Variants in ADD2 observed in about 807,000 individuals in gnomAD.
ADD2 encodes the protein beta-adducin.
ADD2 carries 23 observed loss-of-function variants against 83.0 expected under a neutral mutation model. The ratio of observed to expected loss-of-function variants is 0.28; its 90% confidence interval spans 0.20 to 0.39. The LOEUF (loss-of-function observed/expected upper bound fraction) is 0.39, where lower values mean the gene tolerates loss of function less well. Ranked by LOEUF, ADD2 falls within the 10% of genes least tolerant of loss-of-function variation. The probability of loss-of-function intolerance (pLI) is 1.00; values close to 1 mark genes in which losing one functional copy is unlikely to be tolerated. For missense variants in ADD2, 758 were observed against 944.9 expected, an observed-to-expected ratio of 0.80 and a Z score of 2.59; for synonymous variants, 375 against 375.4, an observed-to-expected ratio of 1.00 and a Z score of 0.01.
chr2:70,731,270 C>T (rs782404806), intron 1 of ADD2, among the ~76,000 whole-genome samples: 1 of 151,814 alleles, frequency 6.6e-6, no homozygotes, highest in Admixed American at 6.6e-5. Context: ...AGGGTCTACA[C>T]AGGACTACCC....
chr2:70,681,787 CA>C (rs1670463011), intron 10 of ADD2, among the ~76,000 whole-genome samples: 1 of 151,662 alleles, frequency 6.6e-6, no homozygotes, highest in Non-Finnish European at 1.5e-5. Flanking sequence ...GATTGAATTC[CA>C]ATATTATTCT....
At chr2:70,718,684 C>A (rs185904247) in intron 1 of ADD2, among the ~76,000 whole-genome samples, 1 of 152,298 alleles carries the variant, frequency 6.6e-6, no homozygotes, top group Admixed American at 6.5e-5. Context: ...GTGAAGGACC[C>A]AGCATCCTGG....
At chr2:70,767,559 G>T in intron 1 of ADD2, 1 of 1,054,156 alleles carries the variant, frequency 9.5e-7, no homozygotes, top group South Asian at 4.3e-5. Context: ...GCTAGGCGAG[G>T]CGAGGCTTGC....
chr2:70,731,709 G>A (rs1380345145), intron 1 of ADD2, among the ~76,000 whole-genome samples: 2 of 152,228 alleles, frequency 1.3e-5, no homozygotes, highest in East Asian at 1.9e-4. Flanking sequence ...TCTTGCTGGA[G>A]TTATAAATGG....
chr2:70,749,870 C>T (rs561673922), intron 1 of ADD2, among the ~76,000 whole-genome samples: 1 of 152,308 alleles, frequency 6.6e-6, no homozygotes, highest in Non-Finnish European at 1.5e-5. Context: ...AACCTCTGGA[C>T]TTTCTGGGGA....
intron 1 of ADD2, among the ~76,000 whole-genome samples, chr2:70,761,342 C>T (rs1287603668): frequency 1.3e-5 from 2 of 151,570 alleles, no homozygotes; most frequent in Admixed American, 6.6e-5. Context: ...GGCACAGTGG[C>T]TTACACCTGT....
chr2:70,675,486 G>C (rs1158916579), intron 13 of ADD2: 2 of 985,340 alleles, frequency 2.0e-6, no homozygotes, highest in Non-Finnish European at 2.4e-6. Context: ...GTGGTTCTAG[G>C]GAGCTGACCA....
chr2:70,681,839 GT>G (rs1670466581), intron 10 of ADD2, among the ~76,000 whole-genome samples: 1 of 151,940 alleles, frequency 6.6e-6, no homozygotes, highest in Admixed American at 6.6e-5. Context: ...AAGAATAATT[GT>G]TTTGTTTAAA....
At chr2:70,732,665 C>T (rs948140223) in intron 1 of ADD2, among the ~76,000 whole-genome samples, 2 of 152,110 alleles carry the variant, frequency 1.3e-5, no homozygotes, top group African/African-American at 2.4e-5. Context: ...GCAGTAAGGT[C>T]CCCGGGGGCT....
chr2:70,682,590 A>C (rs771878816), intron 10 of ADD2, among the ~76,000 whole-genome samples: 5 of 152,210 alleles, frequency 3.3e-5, no homozygotes, highest in Non-Finnish European at 7.3e-5. Context: ...AATGTTATAA[A>C]GATAGATTTC....
At chr2:70,692,348 A>G in intron 7 of ADD2, 55 bp downstream of exon 7, 1 of 1,466,510 alleles carries the variant, frequency 6.8e-7, no homozygotes, top group Non-Finnish European at 9.1e-7. Context: ...CGAGATTGCT[A>G]CAACCTCGGC....
chr2:70,683,779 A>T lies in ADD2; in HGVS notation c.949-12T>A. The T allele has an allele frequency of 1.9e-6, 3 of 1,603,390 alleles. No individual in the cohort carries two copies. The highest frequency in any genetic ancestry group is 2.6e-6 in the Non-Finnish European group (3 of 1,171,590). The stretch of plus-strand genomic sequence containing the variant: ...GACAGAGCCGACACCTGTAGCAAAG[A>T]GCAGAGAGCCCTCAGCCCATGTGCA... On this transcript the variant is annotated splice_polypyrimidine_tract_variant and intron_variant, in intron 9 of 15. Coordinates refer to ENST00000264436, the MANE Select transcript of ADD2 (RefSeq NM_001617.4).
chr2:70,764,341 T>C (rs1553385576), intron 1 of ADD2, among the ~76,000 whole-genome samples: 2 of 151,922 alleles, frequency 1.3e-5, no homozygotes. Flanking sequence ...GCAAACTTGA[T>C]CCATACAAAG....
chr2:70,692,657 A>G, intron 6 of ADD2, 105 bp from the exon 7 acceptor site: 3 of 1,244,960 alleles, frequency 2.4e-6, no homozygotes, highest in South Asian at 1.6e-5. Context: ...GTCTTCACAC[A>G]TTCCAGACAC....
intron 4 of ADD2, among the ~76,000 whole-genome samples, chr2:70,699,924 A>C (rs2104360014): frequency 6.6e-6 from 1 of 152,350 alleles, no homozygotes; most frequent in Admixed American, 6.5e-5. Context: ...GTTGGGCAAA[A>C]CAATATTCTC....
chr2:70,704,910 A>G (rs1269833669), intron 3 of ADD2, among the ~76,000 whole-genome samples: 1 of 152,144 alleles, frequency 6.6e-6, no homozygotes, highest in African/African-American at 2.4e-5. Context: ...GAACAGGAAG[A>G]TTTGATGACC....
rs782735669 is a variant in ADD2 at position 70,676,862 on chromosome 2, A to C, written c.1527T>G (p.Asp509Glu). The change falls in exon 13 of 16, where the codon GAT becomes GAG. Residue 509 changes from aspartate (D) to glutamate (E), a missense_variant. Transcript: ENST00000264436. This position sits in a 1 kb window ranked among gnomAD's most constrained non-coding sequence, Gnocchi z 4.8. The stretch of plus-strand genomic sequence containing the variant: ...GGGACTGAGGCCCCGCTGACTTCAC[A>C]TCTTGTCGGTTTTGTTCTCGAATCT... ...RNKIREQNRQDVKSAGPQSQL... is the reference protein window; with the variant it reads ...RNKIREQNRQEVKSAGPQSQL... The C allele has an allele frequency of 6.2e-7, 1 of 1,613,882 alleles. No individual in the cohort carries two copies. The highest frequency in any genetic ancestry group is 2.2e-5 in the East Asian group (1 of 44,874).
intron 3 of ADD2, 136 bp from the exon 4 acceptor site, chr2:70,704,595 G>C (rs1574266187): frequency 3.1e-6 from 3 of 960,074 alleles, no homozygotes; most frequent in Middle Eastern, 2.2e-4. Context: ...AGCTACAGGG[G>C]ACACTGAGCA....
intron 1 of ADD2, among the ~76,000 whole-genome samples, chr2:70,748,035 A>C (rs1057267603): frequency 5.9e-5 from 9 of 152,160 alleles, no homozygotes; most frequent in African/African-American, 2.2e-4. Flanking sequence ...TTGACATATT[A>C]TTGCTGATAG....
Sources: allele counts gnomAD v4.1 joint callset (sites outside exome capture counted in the v4.1 genomes callset), GRCh38; gene constraint gnomAD v4.1.1; non-coding constraint Gnocchi (gnomAD v3.1); transcripts MANE v1.5; gene names NCBI Gene and HGNC (gene_info 2026-07-23, HGNC 2026-07-21).